Variants in KAZN observed in about 807,000 individuals in gnomAD.
The protein encoded by KAZN is kazrin, periplakin interacting protein, also known as kazrin.
Under a neutral mutation model 87.4 loss-of-function variants are expected in KAZN, and 40 were observed. The ratio of observed to expected loss-of-function variants is 0.46; its 90% CI spans 0.36 to 0.60. The LOEUF (loss-of-function observed/expected upper bound fraction) is 0.60. KAZN is among the 20% of genes least tolerant of loss of function. The pLI, the probability that KAZN is intolerant of heterozygous loss-of-function variation, is 0.00. For synonymous variants in KAZN, 466 were observed against 458.3 expected, an observed-to-expected ratio of 1.02 and a Z score of -0.22; for missense variants, 898 against 1,073.9, an observed-to-expected ratio of 0.84 and a Z score of 2.29.
chr1:14,665,573 C>T (rs934073455), intron 1 of KAZN, among the ~76,000 whole-genome samples: 12 of 152,044 alleles, frequency 7.9e-5, no homozygotes, highest in South Asian at 4.2e-4. Flanking sequence ...AGAATAGTGG[C>T]GTGGTTGAGG....
At chr1:14,808,650 A>T (rs1033216739) in intron 1 of KAZN, among the ~76,000 whole-genome samples, 1 of 152,186 alleles carries the variant, frequency 6.6e-6, no homozygotes, top group African/African-American at 2.4e-5. Flanking sequence ...CATGTCTCAA[A>T]GTCTTAGACT....
At chr1:14,310,819 C>G (rs1040287147) in intron 2 of KAZN, among the ~76,000 whole-genome samples, 5 of 152,200 alleles carry the variant, frequency 3.3e-5, no homozygotes, top group African/African-American at 1.2e-4. Flanking sequence ...CCAAAGGATG[C>G]ATCACAAATG....
intron 1 of KAZN, among the ~76,000 whole-genome samples, chr1:14,102,256 G>T (rs911503929): frequency 2.0e-5 from 3 of 152,170 alleles, no homozygotes; most frequent in African/African-American, 7.2e-5. Flanking sequence ...AGCAATCAGA[G>T]AAATCGCTAA....
rs559224344 is a variant in KAZN at position 14,310,631 on chromosome 1, T to G, written c.249+130039T>G. ...CATTCAAATTGCAATCTCCAACTTC[T>G]GCAAATAAAAGATCTTTATGTTCCC... On this transcript the variant is annotated intron_variant, in intron 2 of 16. Transcript: ENST00000636203. 5.3e-5 allele frequency among the ~76,000 whole-genome samples: 8 copies of G among 152,338 alleles called. No homozygotes were observed. The East Asian group carries it at 1.5e-3, about 29-fold the overall frequency.
intron 8 of KAZN, among the ~76,000 whole-genome samples, chr1:15,078,237 T>C (rs1639844241): frequency 6.6e-6 from 1 of 151,890 alleles, no homozygotes; most frequent in African/African-American, 2.4e-5. Context: ...CAATTCCATC[T>C]CTACTAAAAA....
intron 2 of KAZN, among the ~76,000 whole-genome samples, chr1:14,424,836 A>T (rs143739356): frequency 1.3e-5 from 2 of 152,342 alleles, no homozygotes; most frequent in Non-Finnish European, 2.9e-5. Flanking sequence ...GGCCAGATAG[A>T]TTCCCAGGCC....
intron 2 of KAZN, among the ~76,000 whole-genome samples, chr1:14,255,788 A>G (rs992362242): frequency 1.3e-5 from 2 of 152,182 alleles, no homozygotes; most frequent in Non-Finnish European, 2.9e-5. Context: ...CATTTTATAG[A>G]TGAGTATTTT....
intron 2 of KAZN, among the ~76,000 whole-genome samples, chr1:14,559,186 A>C (rs1455259213): frequency 6.6e-6 from 1 of 152,056 alleles, no homozygotes; most frequent in Non-Finnish European, 1.5e-5. Context: ...GCCTTGGGGG[A>C]GGGTAGCAGG....
At chr1:14,177,351 A>G (rs1425283061) in intron 1 of KAZN, among the ~76,000 whole-genome samples, 2 of 152,166 alleles carry the variant, frequency 1.3e-5, no homozygotes, top group Non-Finnish European at 2.9e-5. Flanking sequence ...TTCCCTTTGC[A>G]AGCATTCTTT....
chr1:14,238,956 G>A (rs904620966), intron 2 of KAZN, among the ~76,000 whole-genome samples: 2 of 152,174 alleles, frequency 1.3e-5, no homozygotes, highest in Non-Finnish European at 2.9e-5. Flanking sequence ...AGATAGCTGA[G>A]GACTGTGGTT....
chr1:15,002,241 A>G (rs776796842), intron 2 of KAZN, among the ~76,000 whole-genome samples: 6 of 152,158 alleles, frequency 3.9e-5, no homozygotes, highest in Non-Finnish European at 7.3e-5. Context: ...GGCTGGCCCC[A>G]GCCAAAATTC....
At chr1:14,155,571 T>G (rs767488592) in intron 1 of KAZN, among the ~76,000 whole-genome samples, 4 of 152,186 alleles carry the variant, frequency 2.6e-5, no homozygotes, top group African/African-American at 9.7e-5. Flanking sequence ...TTAGACTAAT[T>G]TGGGGTTTGG....
intron 2 of KAZN, among the ~76,000 whole-genome samples, chr1:15,029,617 G>C (rs909746450): frequency 6.6e-6 from 1 of 152,224 alleles, no homozygotes; most frequent in Non-Finnish European, 1.5e-5. Context: ...AAGGCCATTT[G>C]TGAGAGGAAA....
intron 1 of KAZN, among the ~76,000 whole-genome samples, chr1:14,749,491 A>C (rs1039183233): frequency 2.0e-5 from 3 of 152,206 alleles, no homozygotes; most frequent in Non-Finnish European, 4.4e-5. Context: ...TCAGTTCCAC[A>C]CAAGGAGGCA....
intron 1 of KAZN, among the ~76,000 whole-genome samples, chr1:14,073,803 T>C (rs148643228): frequency 0.13 from 19,379 of 152,202 alleles, 1,367 homozygotes; most frequent in African/African-American, 0.15. Context: ...CTATCATTGA[T>C]GGACATTTGG....
chr1:14,697,736 T>G (rs983562352), intron 1 of KAZN, among the ~76,000 whole-genome samples: 6 of 152,246 alleles, frequency 3.9e-5, no homozygotes, highest in African/African-American at 1.4e-4. Flanking sequence ...AGGGAAGACC[T>G]GCTCTTAAGC....
chr1:15,101,642 G>A lies in KAZN; in HGVS notation c.1647G>A (p.Leu549=). The A allele has an allele frequency of 1.3e-6, 2 of 1,572,262 alleles. No homozygotes were observed. Among genetic ancestry groups the A allele is most frequent in the South Asian group, 1.2e-5 (1 of 85,250 alleles). ...SQYSQAFQNH[L]VDGRMLNSLM... is the part of the protein sequence containing the mutation. ...ACTCCCAGGCCTTTCAGAACCACCT[G>A]GTTGATGGGCGGATGCTGAATTCCC... The change falls in exon 11 of 15, where the codon CTG becomes CTA. Residue 549 remains leucine (L), a synonymous_variant. Coordinates refer to ENST00000376030, the MANE Select transcript of KAZN (RefSeq NM_201628.3).
At chr1:14,948,193 G>A (rs1049890973) in intron 1 of KAZN, among the ~76,000 whole-genome samples, 14 of 152,190 alleles carry the variant, frequency 9.2e-5, no homozygotes, top group Admixed American at 6.5e-4. Flanking sequence ...TAAAAAAGAT[G>A]CAACTCAAAC....
At chr1:14,657,099 T>TTTTA (rs1638845762) in intron 1 of KAZN, among the ~76,000 whole-genome samples, 1 of 111,762 alleles carries the variant, frequency 8.9e-6, no homozygotes, top group Non-Finnish European at 1.9e-5. Flanking sequence ...TTTTTTTTTT[T>TTTTA]GAGACAGAGT....
Sources: gnomAD v4.1 joint callset for allele counts (sites outside exome capture counted in the v4.1 genomes callset) on GRCh38, gnomAD v4.1.1 for gene constraint, MANE v1.5 for transcripts, NCBI Gene and HGNC (gene_info 2026-07-23, HGNC 2026-07-21) for gene names.